NMNAT3: variants seen among roughly 807,000 people sequenced by gnomAD.
NMNAT3 encodes the protein nicotinamide nucleotide adenylyltransferase 3.
A neutral mutation model predicts 24.8 loss-of-function variants in NMNAT3; 21 were observed. The observed-to-expected ratio is 0.85, with a 90% CI of 0.60 to 1.22. The LOEUF (loss-of-function observed/expected upper bound fraction) is 1.22. Among genes scored for constraint, NMNAT3 ranks in the 50% most tolerant of loss-of-function variants. NMNAT3 has a pLI of 0.00. For missense variants in NMNAT3, 387 were observed against 436.6 expected (o/e 0.89, Z 1.01); for synonymous variants, 136 against 155.2 (o/e 0.88, Z 0.92).
At chr3:139,649,900 A>G (rs2057000257) in intron 1 of NMNAT3, among the ~76,000 whole-genome samples, 1 of 152,206 alleles carries the variant, frequency 6.6e-6, no homozygotes, top group Admixed American at 6.5e-5. Flanking sequence ...AGCTAGGAGA[A>G]ACATGCATTG....
chr3:139,592,380 G>C (rs933544058), intron 3 of NMNAT3, among the ~76,000 whole-genome samples: 2 of 152,190 alleles, frequency 1.3e-5, no homozygotes, highest in Non-Finnish European at 2.9e-5. Context: ...ATGGAACCAA[G>C]TTGGAAAACA....
At chr3:139,630,847 G>C (rs996974583) in intron 2 of NMNAT3, among the ~76,000 whole-genome samples, 6 of 152,158 alleles carry the variant, frequency 3.9e-5, no homozygotes, top group African/African-American at 9.7e-5. Context: ...CTATTCACAA[G>C]AGCAGCCTCG....
intron 2 of NMNAT3, among the ~76,000 whole-genome samples, chr3:139,631,673 C>T (rs949277828): frequency 6.6e-6 from 1 of 152,000 alleles, no homozygotes; most frequent in Non-Finnish European, 1.5e-5. Context: ...CTGCCTCCCA[C>T]TCCATAGTCA....
At chr3:139,571,845 G>T (rs970126766) in intron 6 of NMNAT3, among the ~76,000 whole-genome samples, 33 of 152,312 alleles carry the variant, frequency 2.2e-4, no homozygotes, top group Admixed American at 2.6e-4. Flanking sequence ...CATATGCAGA[G>T]AGGTGAAGTG....
At chr3:139,602,646 G>A (rs1361018084) in intron 3 of NMNAT3, among the ~76,000 whole-genome samples, 3 of 152,218 alleles carry the variant, frequency 2.0e-5, no homozygotes, top group African/African-American at 7.2e-5. Context: ...TGGCTATAGA[G>A]AGACCACTTC....
At position 139,583,060 on chromosome 3, in the gene NMNAT3, G is replaced by A; in HGVS notation, c.258C>T (p.Arg86=). 1.2e-6 allele frequency: 2 copies of A among 1,606,746 alleles called. No homozygotes were observed. Among genetic ancestry groups the A allele is most frequent in the South Asian group, 1.1e-5 (1 of 89,596 alleles). ...AGAACGCTTGTTCTTCAGTTCTTTT[G>A]CGTTTAAAAGATGACTTGTCAGGGT... The change falls in exon 4 of 7, where the codon CGC becomes CGT. Residue 86 remains arginine, a synonymous_variant. Coordinates refer to ENST00000643695, the MANE Select transcript of NMNAT3 (RefSeq NM_001320510.2).
In NMNAT3 at chr3:139,610,737, T is replaced by C. The variant is rs560738880; in HGVS notation, c.109+16879A>G. Among the ~76,000 whole-genome samples, 3 of 152,306 alleles carry C rather than the reference T, an allele frequency of 2.0e-5. No individual in the cohort carries two copies. In the South Asian group the frequency reaches 6.2e-4, roughly 32 times the overall value. The stretch of plus-strand genomic sequence containing the variant: ...GGGGCTGTCACTGCCTTAAATAGAA[T>C]TATCATAGCTTAATTTCCCCCTTAT... On this transcript the variant is annotated intron_variant, in intron 3 of 6. Coordinates refer to ENST00000643695, the MANE Select transcript of NMNAT3 (RefSeq NM_001320510.2).
chr3:139,633,767 G>T (rs1269396638), intron 2 of NMNAT3, among the ~76,000 whole-genome samples: 1 of 152,140 alleles, frequency 6.6e-6, no homozygotes, highest in Non-Finnish European at 1.5e-5. Context: ...TGTGTGAGTG[G>T]CTCAAGATGA....
At chr3:139,573,522 AC>A in intron 6 of NMNAT3, 75 bp downstream of exon 6, 1 of 789,294 alleles carries the variant, frequency 1.3e-6, no homozygotes, top group South Asian at 2.5e-5. Flanking sequence ...TGCAGCTGTG[AC>A]CACCCCTACC....
At chr3:139,585,794 A>G (rs2053913091) in intron 3 of NMNAT3, among the ~76,000 whole-genome samples, 1 of 152,200 alleles carries the variant, frequency 6.6e-6, no homozygotes, top group Non-Finnish European at 1.5e-5. Flanking sequence ...TAAAGCACTA[A>G]GGCTTCTCAG....
rs374125060 is a variant in NMNAT3 at position 139,567,336 on chromosome 3, C to G, written c.659-5944G>C. 46 of 151,972 alleles carry G rather than the reference C, an allele frequency of 3.0e-4. No individual in the cohort carries two copies. The East Asian group carries it at 8.1e-3, about 27-fold the overall frequency. The allele number at this position is 151,972 out of a possible 1,614,324, so 9.4% of individuals were successfully genotyped here. A position where few individuals can be genotyped will look rare whatever the true frequency, so the allele number is the denominator to read the frequency against. ...ACAATTTGACTTCCTCTTTTCCTAA[C>G]TGAATACCCTTTATTTCCTTCTCCT... On this transcript the variant is annotated intron_variant, in intron 6 of 6. Coordinates refer to ENST00000643695, the MANE Select transcript of NMNAT3 (RefSeq NM_001320510.2).
At chr3:139,621,524 A>C (rs1313979938) in intron 3 of NMNAT3, among the ~76,000 whole-genome samples, 2 of 152,090 alleles carry the variant, frequency 1.3e-5, no homozygotes, top group Non-Finnish European at 2.9e-5. Flanking sequence ...GGTGTGTACC[A>C]CCATGTCCAG....
intron 3 of NMNAT3, among the ~76,000 whole-genome samples, chr3:139,620,952 C>G (rs1447669425): frequency 6.6e-6 from 1 of 152,168 alleles, no homozygotes; most frequent in Non-Finnish European, 1.5e-5. Context: ...TACTGCAATG[C>G]TTGGCTATTT....
At chr3:139,647,251 C>A (rs1050419589) in intron 1 of NMNAT3, among the ~76,000 whole-genome samples, 3 of 152,202 alleles carry the variant, frequency 2.0e-5, no homozygotes, top group Non-Finnish European at 4.4e-5. Context: ...TTCTGTCTGA[C>A]CTTGACTCTG....
intron 1 of NMNAT3, among the ~76,000 whole-genome samples, chr3:139,649,549 C>A (rs574963285): frequency 1.3e-5 from 2 of 152,276 alleles, no homozygotes; most frequent in South Asian, 4.1e-4. Context: ...CACTTTCCTT[C>A]TGAAAAATTC....
intron 1 of NMNAT3, among the ~76,000 whole-genome samples, chr3:139,642,306 G>A (rs777694290): frequency 6.6e-6 from 1 of 152,166 alleles, no homozygotes; most frequent in Non-Finnish European, 1.5e-5. Context: ...TACCTCAAGA[G>A]GCCTCAGTTC....
chr3:139,605,319 G>A (rs997621256), intron 3 of NMNAT3, among the ~76,000 whole-genome samples: 1 of 152,138 alleles, frequency 6.6e-6, no homozygotes, highest in African/African-American at 2.4e-5. Flanking sequence ...GCAAACATAT[G>A]TATATTCTAC....
At chr3:139,577,100 T>C (rs1033458912) in intron 5 of NMNAT3, among the ~76,000 whole-genome samples, 2 of 150,232 alleles carry the variant, frequency 1.3e-5, no homozygotes, top group Non-Finnish European at 3.0e-5. Flanking sequence ...GGAATCACCA[T>C]GGAGCTTTTT....
intron 6 of NMNAT3, chr3:139,572,285 T>A (rs1938508194): frequency 2.5e-6 from 1 of 398,276 alleles, no homozygotes; most frequent in Non-Finnish European, 4.4e-6. Flanking sequence ...TAATGAATAC[T>A]GGGCACTGTG....
Sources: gnomAD v4.1 joint callset for allele counts (sites outside exome capture counted in the v4.1 genomes callset) on GRCh38, gnomAD v4.1.1 for gene constraint, MANE v1.5 for transcripts, NCBI Gene and HGNC (gene_info 2026-07-23, HGNC 2026-07-21) for gene names.